Variants in GATAD2B observed in about 807,000 individuals in gnomAD.
GATAD2B encodes GATA zinc finger domain containing 2B, also known as transcriptional repressor p66-beta.
In GATAD2B, 8 loss-of-function variants were observed where a neutral mutation model predicts 64.3. The observed-to-expected ratio is 0.12, with a 90% confidence interval of 0.07 to 0.22. The LOEUF (loss-of-function observed/expected upper bound fraction) is 0.22, where lower values mean the gene tolerates loss of function less well. Among genes scored for constraint, GATAD2B ranks in the 10% least tolerant of loss-of-function variants. The probability of loss-of-function intolerance (pLI) is 1.00; values close to 1 mark genes in which losing one functional copy is unlikely to be tolerated. For synonymous variants in GATAD2B, 281 were observed against 271.3 expected, an observed-to-expected ratio of 1.04 and a Z score of -0.35; for missense variants, 453 against 752.0, an observed-to-expected ratio of 0.60 and a Z score of 4.65.
intron 1 of GATAD2B, among the ~76,000 whole-genome samples, chr1:153,844,021 T>G (rs1056253645): frequency 2.6e-5 from 4 of 152,040 alleles, no homozygotes; most frequent in African/African-American, 9.7e-5. Flanking sequence ...GAGAAACTCC[T>G]GAGTTGAAGA....
At chr1:153,880,689 C>G (rs1474044718) in intron 1 of GATAD2B, among the ~76,000 whole-genome samples, 1 of 151,780 alleles carries the variant, frequency 6.6e-6, no homozygotes, top group African/African-American at 2.4e-5. Flanking sequence ...ATAAAAAATA[C>G]AAAAATTAGC....
At chr1:153,815,097 A>AAAAAAAAAAAAAAAAAAAAAAAC (rs1674413254) in intron 7 of GATAD2B, among the ~76,000 whole-genome samples, 1 of 143,602 alleles carries the variant, frequency 7.0e-6, no homozygotes, top group African/African-American at 2.5e-5. Context: ...AAAAAAAAAA[A>AAAAAAAAAAAAAAAAAAAAAAAC]AAAAAAAAAA....
chr1:153,828,455 TACACACACACAC>T (rs71093290), intron 1 of GATAD2B, 107 bp from the exon 2 acceptor site: 299 of 582,680 alleles, frequency 5.1e-4, no homozygotes, highest in South Asian at 6.8e-4. Context: ...CTCTCACACA[TACACACACACAC>T]ACACACACAC....
chr1:153,822,700 T>C (rs1674725606), intron 2 of GATAD2B, among the ~76,000 whole-genome samples: 1 of 152,188 alleles, frequency 6.6e-6, no homozygotes, highest in East Asian at 1.9e-4. Context: ...GGTTTCACTA[T>C]GTTGGCCAGA....
At position 153,841,058 on chromosome 1, in the gene GATAD2B, G is replaced by A. The variant is rs573569956; in HGVS notation, c.-1-12710C>T. ...GAGAATGGCGTGAACCCAGGAGGCC[G>A]AGGTTGCAGTGAACCGAGATCAGGC... On this transcript the variant is annotated intron_variant, in intron 1 of 10. Coordinates refer to ENST00000368655, the MANE Select transcript of GATAD2B (RefSeq NM_020699.4). 4.0e-5 allele frequency among the ~76,000 whole-genome samples: 6 copies of A among 149,804 alleles called. No homozygotes were observed. The South Asian group carries it at 6.3e-4, about 16-fold the overall frequency.
At chr1:153,908,030 C>T (rs1356143735) in intron 1 of GATAD2B, among the ~76,000 whole-genome samples, 3 of 152,188 alleles carry the variant, frequency 2.0e-5, no homozygotes, top group Non-Finnish European at 4.4e-5. Context: ...ATCTTGAACT[C>T]CTGACCTCAT....
chr1:153,834,784 C>T (rs983987611), intron 1 of GATAD2B, among the ~76,000 whole-genome samples: 1 of 152,074 alleles, frequency 6.6e-6, no homozygotes, highest in African/African-American at 2.4e-5. Flanking sequence ...GAGGAAATGA[C>T]TGCAAAAGTG....
intron 10 of GATAD2B, among the ~76,000 whole-genome samples, chr1:153,811,414 G>A (rs1330350149): frequency 6.6e-6 from 1 of 152,102 alleles, no homozygotes; most frequent in Non-Finnish European, 1.5e-5. Flanking sequence ...AGCATCCCTG[G>A]ATCATTCAAA....
At chr1:153,903,975 C>A (rs944158958) in intron 1 of GATAD2B, among the ~76,000 whole-genome samples, 1 of 151,914 alleles carries the variant, frequency 6.6e-6, no homozygotes, top group South Asian at 2.1e-4. Flanking sequence ...CAGCATGAGA[C>A]CTTGTCTTAA....
chr1:153,828,832 A>C (rs912443747), intron 1 of GATAD2B, among the ~76,000 whole-genome samples: 4 of 152,080 alleles, frequency 2.6e-5, no homozygotes, highest in African/African-American at 9.7e-5. Context: ...TTTTTTCTTT[A>C]CTCATGAAGA....
At chr1:153,848,975 C>A (rs952625460) in intron 1 of GATAD2B, among the ~76,000 whole-genome samples, 1 of 149,946 alleles carries the variant, frequency 6.7e-6, no homozygotes, top group Non-Finnish European at 1.5e-5. Context: ...ACAAACAAAC[C>A]CCCCCCCTCC....
At chr1:153,825,771 T>C (rs911361318) in intron 2 of GATAD2B, among the ~76,000 whole-genome samples, 6 of 152,126 alleles carry the variant, frequency 3.9e-5, no homozygotes, top group African/African-American at 1.4e-4. Context: ...TGGAGCATGG[T>C]TTTAAAAAAT....
chr1:153,893,701 C>G (rs1677491497), intron 1 of GATAD2B, among the ~76,000 whole-genome samples: 1 of 152,018 alleles, frequency 6.6e-6, no homozygotes, highest in South Asian at 2.1e-4. Flanking sequence ...TGGCTCATGC[C>G]TGTAATCCCA....
chr1:153,909,369 A>G (rs1678048924), intron 1 of GATAD2B, among the ~76,000 whole-genome samples: 1 of 151,824 alleles, frequency 6.6e-6, no homozygotes. Context: ...GCCCACCACC[A>G]TGACGACTAA....
At chr1:153,892,824 A>G (rs1277827828) in intron 1 of GATAD2B, among the ~76,000 whole-genome samples, 2 of 150,216 alleles carry the variant, frequency 1.3e-5, no homozygotes, top group Non-Finnish European at 2.9e-5. Flanking sequence ...CCTCCCAAGT[A>G]GCTGGGACTA....
chr1:153,915,754 A>G (rs1475844728), intron 1 of GATAD2B, among the ~76,000 whole-genome samples: 2 of 151,338 alleles, frequency 1.3e-5, no homozygotes, highest in Non-Finnish European at 3.0e-5. Flanking sequence ...AAAAAAAAAA[A>G]AAAAAAAGAA....
At chr1:153,819,554 A>C in intron 3 of GATAD2B, 52 bp downstream of exon 3, 1 of 1,267,070 alleles carries the variant, frequency 7.9e-7, no homozygotes, top group South Asian at 1.4e-5. Context: ...TGAGGAATTA[A>C]ATAAAATAGA....
At chr1:153,811,892 A>G (rs1189381550) in intron 9 of GATAD2B, 44 bp from the exon 10 acceptor site, 1 of 1,403,206 alleles carries the variant, frequency 7.1e-7, no homozygotes, top group Non-Finnish European at 1.0e-6. Context: ...GATATGATAG[A>G]ATGTTAAGCG....
intron 1 of GATAD2B, among the ~76,000 whole-genome samples, chr1:153,907,203 A>G (rs1466075744): frequency 6.6e-6 from 1 of 152,246 alleles, no homozygotes; most frequent in Non-Finnish European, 1.5e-5. Flanking sequence ...ATATCTGCCC[A>G]GTCATGTTCA....
Sources: allele counts gnomAD v4.1 joint callset (sites outside exome capture counted in the v4.1 genomes callset), GRCh38; gene constraint gnomAD v4.1.1; transcripts MANE v1.5; gene names NCBI Gene and HGNC (gene_info 2026-07-23, HGNC 2026-07-21).